Variants in FRMD4A observed in about 807,000 individuals in gnomAD.
The protein encoded by FRMD4A is FERM domain containing 4A, also known as FERM domain-containing protein 4A.
FRMD4A carries 29 observed loss-of-function variants against 129.1 expected under a neutral mutation model. That is an observed-to-expected ratio of 0.22 (90% CI 0.17 to 0.31). The LOEUF is 0.31. Among genes scored for constraint, FRMD4A ranks in the 10% least tolerant of loss-of-function variants. FRMD4A has a pLI of 1.00. For synonymous variants in FRMD4A, 634 were observed against 571.6 expected (o/e 1.11, Z -1.56); for missense variants, 1,272 against 1,375.8 (o/e 0.92, Z 1.19).
Position 13,660,405 on chromosome 10 carries a change from C to T in FRMD4A, c.1809G>A (p.Lys603=). 6.2e-7 allele frequency: 1 copy of T among 1,614,134 alleles called. No individual in the cohort carries two copies. Among genetic ancestry groups the T allele is most frequent in the Non-Finnish European group, 8.5e-7 (1 of 1,179,998 alleles). The stretch of plus-strand genomic sequence containing the variant: ...TCCACATTTTGGGCTTGATGGGTGA[C>T]TTGTCATAGTCGTTGCGGTGATAGT... ...QMHYHRNDYD[K]SPIKPKMWSE... Residue 603 remains lysine (K), a synonymous_variant, in exon 20 of 25, where the codon AAG becomes AAA. Transcript: ENST00000357447.
intron 2 of FRMD4A, among the ~76,000 whole-genome samples, chr10:14,229,856 A>G (rs779167443): frequency 2.0e-5 from 3 of 152,194 alleles, no homozygotes; most frequent in African/African-American, 4.8e-5. Context: ...AAAGCTGAAC[A>G]CTCATACAAT....
chr10:13,821,012 C>T lies in FRMD4A; in HGVS notation c.112-10104G>A, dbSNP rs779001076. 1.5e-4 allele frequency among the ~76,000 whole-genome samples: 23 copies of T among 152,310 alleles called. No homozygotes were observed. The highest frequency in any genetic ancestry group is 2.5e-4 in the Non-Finnish European group (17 of 68,026). On this transcript the variant is annotated intron_variant, in intron 3 of 24. Transcript: ENST00000357447. This position sits in a 1 kb window ranked among gnomAD's most constrained non-coding sequence, Gnocchi z 4.3. ...GGAGCGCAGCTTTGAATAAATGAGC[C>T]TGAGCAAGCTGCCGGGTCTGAAGCC...
chr10:13,693,405 G>T, intron 15 of FRMD4A: 1 of 507,354 alleles, frequency 2.0e-6, no homozygotes, highest in Non-Finnish European at 2.7e-6. Context: ...AATTTCAAAA[G>T]GCACTGAATG....
intron 4 of FRMD4A, among the ~76,000 whole-genome samples, chr10:13,807,906 C>A (rs939623135): frequency 2.0e-5 from 3 of 151,006 alleles, no homozygotes; most frequent in Non-Finnish European, 4.4e-5. Context: ...TCAAGCGATT[C>A]TTCTGCCTCA....
At chr10:14,100,472 G>A (rs559321397) in intron 2 of FRMD4A, among the ~76,000 whole-genome samples, 1 of 152,134 alleles carries the variant, frequency 6.6e-6, no homozygotes, top group Non-Finnish European at 1.5e-5. Context: ...TTTTTAGGAA[G>A]AGCTGTTTCA....
At chr10:14,187,806 A>C (rs1842195357) in intron 2 of FRMD4A, among the ~76,000 whole-genome samples, 14 of 152,284 alleles carry the variant, frequency 9.2e-5, no homozygotes, top group Non-Finnish European at 1.3e-4. Context: ...AGACTTGGGA[A>C]ATTTGGTTTT....
intron 2 of FRMD4A, among the ~76,000 whole-genome samples, chr10:14,155,582 G>A (rs896873755): frequency 3.3e-5 from 5 of 152,258 alleles, no homozygotes; most frequent in Middle Eastern, 3.4e-3. Context: ...ACATTGTTAT[G>A]AGTTTTATGT....
At chr10:14,276,597 C>G (rs992785522) in intron 2 of FRMD4A, among the ~76,000 whole-genome samples, 1 of 152,196 alleles carries the variant, frequency 6.6e-6, no homozygotes, top group African/African-American at 2.4e-5. Context: ...CCGTTCCTGC[C>G]CAGGGAAGCC....
intron 2 of FRMD4A, among the ~76,000 whole-genome samples, chr10:14,283,150 G>A (rs1433113075): frequency 6.6e-6 from 1 of 152,220 alleles, no homozygotes; most frequent in Non-Finnish European, 1.5e-5. Flanking sequence ...AGTGTCAACA[G>A]AAAACAGCAC....
At chr10:13,905,741 G>A (rs1357371052) in intron 2 of FRMD4A, among the ~76,000 whole-genome samples, 1 of 152,204 alleles carries the variant, frequency 6.6e-6, no homozygotes, top group African/African-American at 2.4e-5. Context: ...CCAAAAGTCT[G>A]TACCTAGAAG....
intron 2 of FRMD4A, chr10:14,008,426 C>G (rs1358046186): frequency 9.9e-7 from 1 of 1,015,146 alleles, no homozygotes; most frequent in Non-Finnish European, 1.2e-6. Context: ...TTCCATCTGT[C>G]CCTCTGCACA....
chr10:13,932,460 G>A (rs2095209636), intron 2 of FRMD4A, among the ~76,000 whole-genome samples: 1 of 152,148 alleles, frequency 6.6e-6, no homozygotes, highest in African/African-American at 2.4e-5. Flanking sequence ...CTTTGCAGAT[G>A]CCACACCTTG....
rs556096606 is a variant in FRMD4A at position 13,862,059 on chromosome 10, G to A, written c.46-3147C>T. ...GTCAATAGAGTAAAAGTTTTAAGAA[G>A]GAAAATGGTATCACATTCAGAAAGT... On this transcript the variant is annotated intron_variant, in intron 2 of 24. Coordinates refer to ENST00000357447, the MANE Select transcript of FRMD4A (RefSeq NM_018027.5). 3.3e-5 allele frequency among the ~76,000 whole-genome samples: 5 copies of A among 152,186 alleles called. No homozygotes were observed. The South Asian group carries it at 8.3e-4, about 25-fold the overall frequency.
chr10:14,325,467 C>A (rs1263443291), intron 2 of FRMD4A, among the ~76,000 whole-genome samples: 1 of 152,254 alleles, frequency 6.6e-6, no homozygotes, highest in Non-Finnish European at 1.5e-5. Context: ...CACCTCAAAT[C>A]TGCTCTCTTA....
chr10:13,750,081 A>AAAGAAAGAAAGAAATG (rs2091510786), intron 8 of FRMD4A, among the ~76,000 whole-genome samples: 18 of 76,170 alleles, frequency 2.4e-4, no homozygotes, highest in Admixed American at 5.8e-4. Context: ...AGAAAGAAAG[A>AAAGAAAGAAAGAAATG]AAGAAAGAAA....
At chr10:13,885,432 G>A (rs1426289915) in intron 2 of FRMD4A, among the ~76,000 whole-genome samples, 1 of 152,180 alleles carries the variant, frequency 6.6e-6, no homozygotes, top group African/African-American at 2.4e-5. Flanking sequence ...TGCCATGCCA[G>A]GTTGCACCAC....
intron 15 of FRMD4A, among the ~76,000 whole-genome samples, chr10:13,683,708 T>A (rs1351586072): frequency 7.8e-6 from 1 of 127,854 alleles, no homozygotes; most frequent in Non-Finnish European, 1.8e-5. Flanking sequence ...GCTGGTCACA[T>A]CCAGTTTTTT....
intron 2 of FRMD4A, among the ~76,000 whole-genome samples, chr10:14,092,462 G>C (rs966613621): frequency 7.9e-5 from 12 of 152,192 alleles, no homozygotes; most frequent in Admixed American, 3.3e-4. Flanking sequence ...TGCTGGCCTT[G>C]GGAGAACACA....
rs142765471 is a variant in FRMD4A, at chr10:14,023,084, C to T, written c.46-164172G>A. The stretch of plus-strand genomic sequence containing the variant: ...GAAGTGGTCCAAGAAACCTCCCTGT[C>T]TGCAGTTCAGTTTCTACTCATACTT... On this transcript the variant is annotated intron_variant, in intron 2 of 24. Coordinates refer to ENST00000357447, the MANE Select transcript of FRMD4A (RefSeq NM_018027.5). 2.4e-4 allele frequency among the ~76,000 whole-genome samples: 36 copies of T among 152,206 alleles called. No homozygotes were observed. In the South Asian group the frequency reaches 2.5e-3, roughly 11 times the overall value.
Sources: allele counts gnomAD v4.1 joint callset (sites outside exome capture counted in the v4.1 genomes callset), GRCh38; gene constraint gnomAD v4.1.1; non-coding constraint Gnocchi (gnomAD v3.1); transcripts MANE v1.5; gene names NCBI Gene and HGNC (gene_info 2026-07-23, HGNC 2026-07-21).